The following CFAP100 variants were observed in gnomAD, a reference collection of about 807,000 sequenced individuals.
CFAP100 encodes the protein cilia- and flagella-associated protein 100.
Under a neutral mutation model 81.5 loss-of-function variants are expected in CFAP100, and 70 were observed. The ratio of observed to expected loss-of-function variants is 0.86; its 90% CI spans 0.71 to 1.05. CFAP100 has a LOEUF of 1.05. Ranked by LOEUF, CFAP100 falls within the 50% of genes least tolerant of loss-of-function variation. CFAP100 has a pLI of 0.00. For missense variants in CFAP100, 811 were observed against 776.5 expected, an observed-to-expected ratio of 1.04 and a Z score of -0.53; for synonymous variants, 341 against 314.8, an observed-to-expected ratio of 1.08 and a Z score of -0.88.
chr3:126,434,103 C>T lies in CFAP100; in HGVS notation c.1423-73C>T, dbSNP rs559484218. 1.2e-4 allele frequency: 162 copies of T among 1,378,748 alleles called. No individual in the cohort carries two copies. In the African/African-American group the frequency reaches 2.0e-3, roughly 17 times the overall value. The allele number at this position is 1,378,748 out of a possible 1,614,324, so 85.4% of individuals were successfully genotyped here. ...CCCCCACCCTGGGAGGTCAGCAGGC[C>T]ACCGCTGAAGGCACTGGCATGGGGG... On this transcript the variant is annotated intron_variant, in intron 14 of 16. Coordinates refer to ENST00000352312, the MANE Select transcript of CFAP100 (RefSeq NM_182628.3).
intron 13 of CFAP100, among the ~76,000 whole-genome samples, chr3:126,431,410 C>A (rs543765546): frequency 1.1e-4 from 16 of 152,340 alleles, no homozygotes; most frequent in Non-Finnish European, 1.5e-4. Context: ...CTTCCCCCAA[C>A]AGGAGAAACT....
chr3:126,419,127 C>G lies in CFAP100; in HGVS notation c.702C>G (p.Asp234Glu), dbSNP rs780620693. 2 of 1,590,912 alleles carry G rather than the reference C, an allele frequency of 1.3e-6. No individual in the cohort carries two copies. ...AKIEKILEIR[D>E]LTTQIVNIKS... ...TAGAGAAGATCCTTGAGATCCGGGA[C>G]CTCACCACCCAGATTGTTAATATCA... Residue 234 changes from aspartate (D) to glutamate (E), a missense_variant, in exon 8 of 17, where the codon GAC becomes GAG. Transcript: ENST00000352312.
intron 2 of CFAP100, among the ~76,000 whole-genome samples, chr3:126,405,328 C>T (rs1021544778): frequency 6.6e-6 from 1 of 152,180 alleles, no homozygotes; most frequent in Non-Finnish European, 1.5e-5. Context: ...AAACCAAGGG[C>T]ATATAAGTGT....
intron 2 of CFAP100, among the ~76,000 whole-genome samples, chr3:126,404,512 T>C (rs559382597): frequency 2.0e-5 from 3 of 152,286 alleles, no homozygotes; most frequent in East Asian, 1.9e-4. Context: ...ACAAGTATAT[T>C]TATCATTCCA....
chr3:126,426,586 C>T (rs2077952396), intron 13 of CFAP100, among the ~76,000 whole-genome samples: 1 of 152,050 alleles, frequency 6.6e-6, no homozygotes, highest in Non-Finnish European at 1.5e-5. Context: ...CCCGTCTCTA[C>T]TAAAATACAA....
chr3:126,418,042 G>A, intron 5 of CFAP100: 2 of 176,416 alleles, frequency 1.1e-5, no homozygotes, highest in Non-Finnish European at 2.4e-5. Flanking sequence ...TTTGCTCGGG[G>A]GGCTTAGGTG....
intron 2 of CFAP100, among the ~76,000 whole-genome samples, chr3:126,401,204 T>G (rs553914019): frequency 1.8e-4 from 28 of 151,830 alleles, no homozygotes; most frequent in Non-Finnish European, 3.5e-4. Context: ...AGTTGTTTAA[T>G]GCACGCAGAG....
rs771167548 is a variant in CFAP100 at position 126,400,569 on chromosome 3, T to C, written c.49+4520T>C. ...GAGATTGAGACCATCCTGGCTAACA[T>C]GGTGAAACCCTGTCTCTACTAAAAA... On this transcript the variant is annotated intron_variant, in intron 2 of 16. Transcript: ENST00000352312. 4.4e-4 allele frequency among the ~76,000 whole-genome samples: 67 copies of C among 152,032 alleles called. No homozygotes were observed. The East Asian group carries it at 7.4e-3, about 17-fold the overall frequency.
In CFAP100 at chr3:126,417,183, CAT is replaced by C. The variant is rs111980221; in HGVS notation, c.418+677_418+678del. 1.1e-4 allele frequency among the ~76,000 whole-genome samples: 17 copies of C among 152,336 alleles called. 2 individuals are homozygous for C. The highest frequency in any genetic ancestry group is 3.8e-4 in the African/African-American group (16 of 41,572). ...CTGCAGCATTTCACAGCTTTGTGGT[CAT>C]ACCCAGGTCACCTGAGCCCTTTGCA... On this transcript the variant is annotated intron_variant, in intron 5 of 16. Transcript: ENST00000352312.
chr3:126,417,392 A>G (rs1429643619), intron 5 of CFAP100, among the ~76,000 whole-genome samples: 4 of 152,256 alleles, frequency 2.6e-5, no homozygotes, highest in Non-Finnish European at 4.4e-5. Flanking sequence ...AGTTAGAAGC[A>G]GTCAGTCAGA....
chr3:126,418,668 GAGGAGGCC>G lies in CFAP100; in HGVS notation c.548_555del (p.Glu183AlafsTer23). On this transcript the variant is annotated frameshift_variant, in exon 7 of 17. Coordinates refer to ENST00000352312, the MANE Select transcript of CFAP100 (RefSeq NM_182628.3). LOFTEE classifies it high-confidence loss of function. ...GCGGCTGGAGACGCTGGCGACCAAA[GAGGAGGCC>G]AGGCTGGAGCGGGCCGAGAAATCCC... 6.3e-7 allele frequency: 1 copy of G among 1,583,838 alleles called. No homozygotes were observed. Among genetic ancestry groups the G allele is most frequent in the Non-Finnish European group, 8.6e-7 (1 of 1,166,740 alleles).
intron 2 of CFAP100, 118 bp downstream of exon 2, chr3:126,396,167 G>A: frequency 1.3e-6 from 1 of 771,114 alleles, no homozygotes. Context: ...TCATAGATCT[G>A]CCTACTTCCC....
In CFAP100 at chr3:126,416,320, GGCA is replaced by G; in HGVS notation, c.238_240del (p.Gln80del). On this transcript the variant is annotated inframe_deletion, in exon 5 of 17. Transcript: ENST00000352312. ...GACTTGGCCCGACGCCCCCAGGAAC[GGCA>G]GCAGCAGAAGACGATGCGGGTGCAC... The G allele has an allele frequency of 6.3e-7, 1 of 1,582,776 alleles. No homozygotes were observed. Among genetic ancestry groups the G allele is most frequent in the South Asian group, 1.1e-5 (1 of 88,622 alleles).
chr3:126,427,576 A>G (rs1186795168), intron 13 of CFAP100, among the ~76,000 whole-genome samples: 2 of 152,152 alleles, frequency 1.3e-5, no homozygotes, highest in Admixed American at 1.3e-4. Context: ...TAAATACTAG[A>G]AAGCACAATT....
At chr3:126,412,745 C>T (rs1040827864) in intron 3 of CFAP100, among the ~76,000 whole-genome samples, 2 of 152,184 alleles carry the variant, frequency 1.3e-5, no homozygotes, top group East Asian at 3.9e-4. Context: ...CCCAAGTCAC[C>T]GGACTGCAGG....
At position 126,436,382 on chromosome 3, in the gene CFAP100, A is replaced by AGCT; in HGVS notation, c.1818_1820dup (p.Leu607dup). The AGCT allele has an allele frequency of 6.2e-7, 1 of 1,613,956 alleles. No individual in the cohort carries two copies. Among genetic ancestry groups the AGCT allele is most frequent in the South Asian group, 1.1e-5 (1 of 91,074 alleles). The stretch of plus-strand genomic sequence containing the variant: ...ACACTGATGGACAAGGAGGAGGAGG[A>AGCT]GCTGCTATTTTTCTTTACTTAATCT... On this transcript the variant is annotated inframe_insertion, in exon 17 of 17. Transcript: ENST00000352312.
Position 126,433,074 on chromosome 3 carries a change from G to C in CFAP100, c.1292G>C (p.Arg431Thr), listed in dbSNP as rs754767651. 1.2e-5 allele frequency: 19 copies of C among 1,614,010 alleles called. No homozygotes were observed. In the Admixed American group the frequency reaches 3.2e-4, roughly 27 times the overall value. The change falls in exon 14 of 17, where the codon AGG (arginine) becomes ACG (threonine). Residue 431 changes from arginine to threonine, a missense_variant. Coordinates refer to ENST00000352312, the MANE Select transcript of CFAP100 (RefSeq NM_182628.3). Reference sequence around the variant, plus strand: ...CCGGTTTTCCCCTCTTCCAGGGACAGGGAGGTCAACCAGCTGAAGCAGTGG... The same window carrying C: ...CCGGTTTTCCCCTCTTCCAGGGACACGGAGGTCAACCAGCTGAAGCAGTGG... The part of the protein sequence containing the change: ...TLKHTQIRMD[R>T]EVNQLKQWVT...
At chr3:126,418,576 G>A (rs1439093839) in intron 6 of CFAP100, 35 bp from the exon 7 acceptor site, 2 of 1,613,194 alleles carry the variant, frequency 1.2e-6, no homozygotes, top group South Asian at 2.2e-5. Context: ...GCTGGCCCGG[G>A]CCAGGCACCA....
chr3:126,416,146 G>T (rs906142705), intron 4 of CFAP100, among the ~76,000 whole-genome samples, 170 bp from the exon 5 acceptor site: 26 of 152,130 alleles, frequency 1.7e-4, no homozygotes, highest in African/African-American at 6.3e-4. Flanking sequence ...GGGGCAAATG[G>T]CCTCCCCAAC....
Sources: allele counts gnomAD v4.1 joint callset (sites outside exome capture counted in the v4.1 genomes callset), GRCh38; gene constraint gnomAD v4.1.1; transcripts MANE v1.5; gene names NCBI Gene and HGNC (gene_info 2026-07-23, HGNC 2026-07-21).